Variants in TERF2 observed in about 807,000 individuals in gnomAD.
TERF2 encodes the protein telomeric repeat-binding factor 2.
TERF2 carries 16 observed loss-of-function variants against 56.1 expected under a neutral mutation model. That is an observed-to-expected ratio of 0.29 (90% CI 0.19 to 0.43). The LOEUF (loss-of-function observed/expected upper bound fraction) is 0.43, where lower values mean the gene tolerates loss of function less well. Ranked by LOEUF, TERF2 falls within the 20% of genes least tolerant of loss-of-function variation. TERF2 has a pLI of 1.00. For synonymous variants in TERF2, 296 were observed against 282.1 expected (o/e 1.05, Z -0.50); for missense variants, 547 against 712.9 (o/e 0.77, Z 2.65).
chr16:69,356,090 C>G lies in TERF2; in HGVS notation c.*808G>C. On this transcript the variant is annotated 3_prime_UTR_variant, in exon 10 of 10. Transcript: ENST00000254942. Reference sequence around the variant, plus strand: ...TGGCTAAAGAGTTTTTAAAGGGAATCTTATTCCACAAGGACTGGTCTGTCA... The same window carrying G: ...TGGCTAAAGAGTTTTTAAAGGGAATGTTATTCCACAAGGACTGGTCTGTCA... 2.5e-6 allele frequency: 1 copy of G among 392,240 alleles called. No individual in the cohort carries two copies. Among genetic ancestry groups the G allele is most frequent in the Non-Finnish European group, 5.0e-6 (1 of 199,286 alleles). 24.3% of individuals were successfully genotyped at this position (392,240 alleles called of 1,614,324 possible). A position where few individuals can be genotyped will look rare whatever the true frequency, so the allele number is the denominator to read the frequency against.
intron 5 of TERF2, 197 bp downstream of exon 5, chr16:69,370,286 C>G (rs916446889): frequency 1.5e-6 from 1 of 671,664 alleles, no homozygotes; most frequent in African/African-American, 1.8e-5. Context: ...CCCCCTGGGC[C>G]TCCCAAAGTG....
At chr16:69,377,755 ATGAC>A (rs1232228660) in intron 3 of TERF2, among the ~76,000 whole-genome samples, 12 of 152,180 alleles carry the variant, frequency 7.9e-5, no homozygotes, top group African/African-American at 2.9e-4. Flanking sequence ...ATATGGAAAT[ATGAC>A]TGACTTTTCT....
chr16:69,380,871 G>A (rs923085635), intron 3 of TERF2, among the ~76,000 whole-genome samples: 4 of 146,852 alleles, frequency 2.7e-5, no homozygotes, highest in African/African-American at 1.0e-4. Context: ...GTGTGATCTC[G>A]GCTCACGGCA....
At chr16:69,379,892 T>C (rs1416504851) in intron 3 of TERF2, among the ~76,000 whole-genome samples, 1 of 152,054 alleles carries the variant, frequency 6.6e-6, no homozygotes, top group African/African-American at 2.4e-5. Context: ...ATTTAATCTG[T>C]TGTGATGTGT....
chr16:69,360,896 G>A (rs916988319), intron 8 of TERF2, among the ~76,000 whole-genome samples: 2 of 151,900 alleles, frequency 1.3e-5, no homozygotes, highest in African/African-American at 2.4e-5. Context: ...AACATAAGGC[G>A]TTACTCTGAC....
intron 8 of TERF2, among the ~76,000 whole-genome samples, chr16:69,359,345 T>C (rs977706359): frequency 1.8e-4 from 27 of 152,004 alleles, no homozygotes; most frequent in Non-Finnish European, 1.5e-5. Context: ...CTGGACAACA[T>C]GGCAAAACTC....
At position 69,366,826 on chromosome 16, in the gene TERF2, G is replaced by A. The variant is rs2013364421; in HGVS notation, c.1321C>T (p.Pro441Ser). The change falls in exon 7 of 10, where the codon CCT (proline) becomes TCT (serine). Residue 441 changes from proline to serine, a missense_variant. Pro to Ser is a moderately conservative substitution (Grantham distance 74). Coordinates refer to ENST00000254942, the MANE Select transcript of TERF2 (RefSeq NM_005652.5). ...TCATACTTGGGATTCTTCTCTCCAGGGAGGGGTTGGTTGAGAACGGTGGGC... is the reference window on the plus strand; with the variant it reads ...TCATACTTGGGATTCTTCTCTCCAGAGAGGGGTTGGTTGAGAACGGTGGGC... ...SKPTVLNQPL[P>S]GEKNPKVPKG... The A allele has an allele frequency of 6.2e-7, 1 of 1,612,798 alleles. No individual in the cohort carries two copies. The highest frequency in any genetic ancestry group is 1.1e-5 in the South Asian group (1 of 91,052).
chr16:69,375,224 T>C (rs186734143), intron 3 of TERF2, among the ~76,000 whole-genome samples: 1 of 152,326 alleles, frequency 6.6e-6, no homozygotes, highest in Non-Finnish European at 1.5e-5. Flanking sequence ...AACAGTCTCA[T>C]TTACTCTAAG....
intron 8 of TERF2, among the ~76,000 whole-genome samples, chr16:69,361,144 G>C (rs897571805): frequency 1.3e-5 from 2 of 151,534 alleles, no homozygotes; most frequent in African/African-American, 4.9e-5. Flanking sequence ...GAGGCAGGAG[G>C]ATCACTTGAG....
In TERF2 at chr16:69,384,676, T is replaced by C. The variant is rs757324495; in HGVS notation, c.510A>G (p.Pro170=). Residue 170 remains proline (P), a synonymous_variant, in exon 3 of 10, where the codon CCA becomes CCG. Transcript: ENST00000254942. The part of the protein sequence containing the change: ...CSFDMEAELT[P]LESAINVLEM... Reference sequence around the variant, plus strand: ...CCAGCACATTGATAGCTGATTCCAGTGGTGTGAGCTCAGCCTCCATATCAA... The same window carrying C: ...CCAGCACATTGATAGCTGATTCCAGCGGTGTGAGCTCAGCCTCCATATCAA... 1 of 1,614,100 alleles carries C rather than the reference T, an allele frequency of 6.2e-7. No individual in the cohort carries two copies. The highest frequency in any genetic ancestry group is 8.5e-7 in the Non-Finnish European group (1 of 1,180,000).
intron 2 of TERF2, 122 bp downstream of exon 2, chr16:69,385,269 G>T: frequency 1.2e-6 from 1 of 833,348 alleles, no homozygotes; most frequent in East Asian, 2.5e-5. Context: ...ATCGTAGAAT[G>T]AAAAAGACCA....
intron 3 of TERF2, among the ~76,000 whole-genome samples, chr16:69,379,009 T>G (rs2142760438): frequency 6.6e-6 from 1 of 151,816 alleles, no homozygotes; most frequent in Middle Eastern, 3.4e-3. Context: ...TTCCCAGAAG[T>G]AAGTATAGTT....
chr16:69,361,287 C>A, intron 8 of TERF2, 117 bp downstream of exon 8: 2 of 722,832 alleles, frequency 2.8e-6, no homozygotes, highest in South Asian at 1.7e-5. Context: ...AGATCGGGAA[C>A]TTACTGAACT....
chr16:69,380,352 A>G (rs1284588053), intron 3 of TERF2, among the ~76,000 whole-genome samples: 1 of 152,082 alleles, frequency 6.6e-6, no homozygotes, highest in Non-Finnish European at 1.5e-5. Flanking sequence ...AACTTTTCTT[A>G]ATCTGTCACA....
At chr16:69,375,260 A>G (rs1450044939) in intron 3 of TERF2, among the ~76,000 whole-genome samples, 2 of 152,236 alleles carry the variant, frequency 1.3e-5, no homozygotes, top group Admixed American at 6.5e-5. Context: ...TCTCTAAGGT[A>G]AATACCCAAG....
chr16:69,366,068 GC>G (rs1186762122), intron 7 of TERF2: 1 of 152,228 alleles, frequency 6.6e-6, no homozygotes, highest in Non-Finnish European at 1.5e-5. Context: ...AAAGTGCTCT[GC>G]CCCCAGAAAG....
intron 3 of TERF2, among the ~76,000 whole-genome samples, chr16:69,382,740 G>A (rs899021735): frequency 3.9e-5 from 6 of 152,226 alleles, no homozygotes; most frequent in Non-Finnish European, 7.3e-5. Context: ...TAACAACTAT[G>A]TGAGTAGGGA....
chr16:69,367,321 G>T, intron 6 of TERF2, 122 bp from the exon 7 acceptor site: 1 of 1,025,844 alleles, frequency 9.7e-7, no homozygotes, highest in Non-Finnish European at 1.4e-6. Context: ...AATGTGATAT[G>T]TAAGTTGTAT....
chr16:69,369,554 C>G (rs991073568), intron 5 of TERF2, among the ~76,000 whole-genome samples: 2 of 152,158 alleles, frequency 1.3e-5, no homozygotes, highest in African/African-American at 4.8e-5. Context: ...CTGCCTTGGC[C>G]TCCCAAAGTG....
Sources: gnomAD v4.1 joint callset for allele counts (sites outside exome capture counted in the v4.1 genomes callset) on GRCh38, gnomAD v4.1.1 for gene constraint, MANE v1.5 for transcripts, NCBI Gene and HGNC (gene_info 2026-07-23, HGNC 2026-07-21) for gene names.